Variants in EBF1 observed in about 807,000 individuals in gnomAD.
EBF1 encodes the protein transcription factor COE1.
EBF1 carries 10 observed loss-of-function variants against 68.4 expected under a neutral mutation model. That is an observed-to-expected ratio of 0.15 (90% CI 0.09 to 0.25). EBF1 has a LOEUF of 0.25. Among genes scored for constraint, EBF1 ranks in the 10% least tolerant of loss-of-function variants. The pLI is 1.00. For missense variants in EBF1, 509 were observed against 794.4 expected, an observed-to-expected ratio of 0.64 and a Z score of 4.32; for synonymous variants, 298 against 299.8, an observed-to-expected ratio of 0.99 and a Z score of 0.06.
rs542397662 is a variant in EBF1, at chr5:158,786,151, CCAAA to C, written c.910-8616_910-8613del. On this transcript the variant is annotated intron_variant, in intron 9 of 15. Transcript: ENST00000313708. ...CAGAATTCTTTTTACTAAAAAATTC[CCAAA>C]CAAACAACAACAAAAAAAAAACTTT... Among the ~76,000 whole-genome samples the C allele has an allele frequency of 1.1e-3, 163 of 152,106 alleles. 1 individual carries two copies. The highest frequency in any genetic ancestry group is 3.6e-3 in the African/African-American group (150 of 41,518).
At chr5:158,729,066 G>A (rs779174949) in intron 11 of EBF1, among the ~76,000 whole-genome samples, 8 of 152,302 alleles carry the variant, frequency 5.3e-5, no homozygotes, top group South Asian at 2.1e-4. Flanking sequence ...AGATTGGGTG[G>A]AAGAGCTCTC....
chr5:158,860,336 T>C (rs1250128012), intron 6 of EBF1, among the ~76,000 whole-genome samples: 3 of 152,214 alleles, frequency 2.0e-5, no homozygotes, highest in Admixed American at 6.5e-5. Flanking sequence ...AATCCAGGTA[T>C]GACTAAGGCC....
chr5:158,882,376 G>A (rs2128092077), intron 6 of EBF1, among the ~76,000 whole-genome samples: 2 of 152,276 alleles, frequency 1.3e-5, no homozygotes, highest in Middle Eastern at 3.4e-3. Context: ...CAGGAAAAAT[G>A]AGTGTTTTCT....
chr5:158,743,081 A>G (rs1415157953), intron 10 of EBF1, among the ~76,000 whole-genome samples: 1 of 152,208 alleles, frequency 6.6e-6, no homozygotes, highest in African/African-American at 2.4e-5. Context: ...CATACCCTTG[A>G]GAAGAACATG....
chr5:158,812,269 A>G (rs1413885999), intron 8 of EBF1, among the ~76,000 whole-genome samples: 1 of 152,206 alleles, frequency 6.6e-6, no homozygotes, highest in African/African-American at 2.4e-5. Context: ...TTAAGGAACT[A>G]AACAGAGTAG....
At chr5:158,903,482 C>A (rs958860222) in intron 6 of EBF1, among the ~76,000 whole-genome samples, 8 of 152,154 alleles carry the variant, frequency 5.3e-5, no homozygotes, top group Admixed American at 5.2e-4. Flanking sequence ...AAGGCACCAG[C>A]AGTGGGGTGC....
chr5:158,997,046 C>G (rs1010920822), intron 6 of EBF1, among the ~76,000 whole-genome samples: 1 of 152,164 alleles, frequency 6.6e-6, no homozygotes, highest in Non-Finnish European at 1.5e-5. Flanking sequence ...CGTATGAACA[C>G]AGCAGTGCTC....
intron 6 of EBF1, among the ~76,000 whole-genome samples, chr5:158,996,984 C>T (rs1022176988): frequency 6.6e-6 from 1 of 152,204 alleles, no homozygotes; most frequent in Non-Finnish European, 1.5e-5. Flanking sequence ...CCATCCTCTT[C>T]TCTTTCCACC....
At chr5:158,918,986 A>T (rs2127395085) in intron 6 of EBF1, among the ~76,000 whole-genome samples, 1 of 152,214 alleles carries the variant, frequency 6.6e-6, no homozygotes, top group East Asian at 1.9e-4. Flanking sequence ...CATGAAGCCA[A>T]CCCTTCCAAT....
chr5:159,033,228 A>G (rs989556565), intron 6 of EBF1, among the ~76,000 whole-genome samples: 2 of 152,068 alleles, frequency 1.3e-5, no homozygotes, highest in Non-Finnish European at 1.5e-5. Flanking sequence ...CCTTCCTTCC[A>G]CTCCGCAGCA....
At chr5:158,879,462 A>G (rs557195674) in intron 6 of EBF1, among the ~76,000 whole-genome samples, 2 of 152,204 alleles carry the variant, frequency 1.3e-5, no homozygotes, top group Non-Finnish European at 2.9e-5. Flanking sequence ...CACAGAGCAA[A>G]TATTACAGAA....
intron 7 of EBF1, among the ~76,000 whole-genome samples, chr5:158,829,148 CACAA>C (rs1231818007): frequency 1.3e-5 from 2 of 152,146 alleles, no homozygotes; most frequent in East Asian, 1.9e-4. Flanking sequence ...AGAATGTACA[CACAA>C]ACAGTGAACT....
chr5:158,878,392 G>T (rs1798192222), intron 6 of EBF1, among the ~76,000 whole-genome samples: 1 of 152,064 alleles, frequency 6.6e-6, no homozygotes, highest in Non-Finnish European at 1.5e-5. Context: ...TTCAATTAAG[G>T]CACTGGTTTC....
At chr5:158,786,132 TC>T (rs1777389079) in intron 9 of EBF1, among the ~76,000 whole-genome samples, 1 of 152,132 alleles carries the variant, frequency 6.6e-6, no homozygotes, top group South Asian at 2.1e-4. Flanking sequence ...CATTCAGAAT[TC>T]TTTTTACTAA....
At chr5:158,721,087 G>C (rs549964978) in intron 11 of EBF1, among the ~76,000 whole-genome samples, 1 of 152,226 alleles carries the variant, frequency 6.6e-6, no homozygotes, top group East Asian at 1.9e-4. Flanking sequence ...TAATACCAAA[G>C]GCCAAGGCAC....
chr5:158,896,506 G>A (rs1487596411), intron 6 of EBF1, among the ~76,000 whole-genome samples: 8 of 151,974 alleles, frequency 5.3e-5, no homozygotes, highest in Non-Finnish European at 1.2e-4. Flanking sequence ...TCTTGTTTTA[G>A]GGGAATATTA....
chr5:159,076,159 C>T (rs539694785), intron 5 of EBF1, among the ~76,000 whole-genome samples: 4 of 151,850 alleles, frequency 2.6e-5, no homozygotes, highest in South Asian at 2.1e-4. Flanking sequence ...TCATAGACTT[C>T]GTAGAGGAAG....
intron 6 of EBF1, among the ~76,000 whole-genome samples, chr5:159,048,800 C>A (rs1031117092): frequency 2.6e-5 from 4 of 152,220 alleles, no homozygotes; most frequent in African/African-American, 9.6e-5. Flanking sequence ...ACAAGAGACT[C>A]TTTCACTCTG....
Position 159,027,778 on chromosome 5 carries a change from G to A in EBF1, c.554+45618C>T, listed in dbSNP as rs565046086. Among the ~76,000 whole-genome samples the A allele has an allele frequency of 5.9e-5, 9 of 152,274 alleles. No homozygotes were observed. The East Asian group carries it at 1.2e-3, about 20-fold the overall frequency. On this transcript the variant is annotated intron_variant, in intron 6 of 15. Coordinates refer to ENST00000313708, the MANE Select transcript of EBF1 (RefSeq NM_024007.5). ...GATTCTGGTTCCTACCCCTCTAGCC[G>A]GAATTTTCCAGCCTTCCAACAACTG...
Sources: allele counts gnomAD v4.1 joint callset (sites outside exome capture counted in the v4.1 genomes callset), GRCh38; gene constraint gnomAD v4.1.1; transcripts MANE v1.5; gene names NCBI Gene and HGNC (gene_info 2026-07-23, HGNC 2026-07-21).